The following ADAMTS3 variants were observed in gnomAD, a reference collection of about 807,000 sequenced individuals.
The protein encoded by ADAMTS3 is A disintegrin and metalloproteinase with thrombospondin motifs 3.
A neutral mutation model predicts 129.0 loss-of-function variants in ADAMTS3; 73 were observed. The ratio of observed to expected loss-of-function variants is 0.57; its 90% CI spans 0.47 to 0.69. The LOEUF is 0.69. Among genes scored for constraint, ADAMTS3 ranks in the 30% least tolerant of loss-of-function variants. ADAMTS3 has a pLI of 0.00. For missense variants in ADAMTS3, 1,457 were observed against 1,514.5 expected (o/e 0.96, Z 0.63); for synonymous variants, 477 against 510.8 (o/e 0.93, Z 0.89).
intron 5 of ADAMTS3, among the ~76,000 whole-genome samples, chr4:72,324,714 A>C (rs888540437): frequency 2.0e-4 from 30 of 152,184 alleles, no homozygotes. Flanking sequence ...TAGCTCATGC[A>C]CAAGTTGTCC....
At chr4:72,286,500 T>TA (rs1431109855) in intron 21 of ADAMTS3, among the ~76,000 whole-genome samples, 2 of 152,224 alleles carry the variant, frequency 1.3e-5, no homozygotes, top group Non-Finnish European at 2.9e-5. Flanking sequence ...GTTGAAGACT[T>TA]AAAGCCTGAA....
chr4:72,475,838 G>A (rs746502809), intron 3 of ADAMTS3, among the ~76,000 whole-genome samples: 23 of 151,872 alleles, frequency 1.5e-4, no homozygotes, highest in Non-Finnish European at 3.1e-4. Flanking sequence ...AAAATAACAG[G>A]AATGTCCCCA....
At chr4:72,373,920 TAATAATAATAATAATAATAATAA>T (rs1426414625) in intron 4 of ADAMTS3, among the ~76,000 whole-genome samples, 3 of 98,926 alleles carry the variant, frequency 3.0e-5, no homozygotes, top group Admixed American at 2.2e-4. Flanking sequence ...ATAATAATAA[TAATAATAATAATAATAATAATAA>T]TAATAATAGG....
rs1327333156 is a variant in ADAMTS3, at chr4:72,282,613, A to G, written c.*523T>C. The G allele has an allele frequency of 6.5e-6, 1 of 152,810 alleles. No homozygotes were observed. Among genetic ancestry groups the G allele is most frequent in the Admixed American group, 6.5e-5 (1 of 15,302 alleles). 9.5% of individuals were successfully genotyped at this position (152,810 alleles called of 1,614,324 possible). On this transcript the variant is annotated 3_prime_UTR_variant, in exon 22 of 22. Transcript: ENST00000286657. ...ATGTAATATAGTAAACAATCATTTG[A>G]GAACACATCTCTTAAAATAATACTG...
chr4:72,423,276 T>C lies in ADAMTS3; in HGVS notation c.505-8305A>G, dbSNP rs143696808. On this transcript the variant is annotated intron_variant, in intron 3 of 21. Coordinates refer to ENST00000286657, the MANE Select transcript of ADAMTS3 (RefSeq NM_014243.3). ...TACTAGTTCATAGCACAGAAATGCATAGTAAGTTTTAAATGTCTGGAAAAG... is the reference window on the plus strand; with the variant it reads ...TACTAGTTCATAGCACAGAAATGCACAGTAAGTTTTAAATGTCTGGAAAAG... Among the ~76,000 whole-genome samples the C allele has an allele frequency of 3.3e-3, 507 of 152,274 alleles. 1 individual carries two copies. The highest frequency in any genetic ancestry group is 0.014 in the Middle Eastern group (4 of 294).
At chr4:72,559,712 T>G (rs1721854167) in intron 2 of ADAMTS3, among the ~76,000 whole-genome samples, 1 of 151,914 alleles carries the variant, frequency 6.6e-6, no homozygotes, top group South Asian at 2.1e-4. Flanking sequence ...GTTTACAGCG[T>G]AGCAGCATTT....
chr4:72,297,665 G>C (rs1298484807), intron 18 of ADAMTS3, among the ~76,000 whole-genome samples: 1 of 152,102 alleles, frequency 6.6e-6, no homozygotes, highest in Non-Finnish European at 1.5e-5. Flanking sequence ...CAGTGAGTGA[G>C]AGCATGTGTT....
At chr4:72,554,495 T>C (rs1518474) in intron 2 of ADAMTS3, among the ~76,000 whole-genome samples, 140,613 of 152,060 alleles carry the variant, frequency 0.92, 66,094 homozygotes, top group East Asian at 1. Flanking sequence ...CCTTAATATA[T>C]CTAAACCAAA....
chr4:72,301,579 T>A lies in ADAMTS3; in HGVS notation c.2424+2338A>T, dbSNP rs187448913. Among the ~76,000 whole-genome samples the A allele has an allele frequency of 3.3e-3, 499 of 152,228 alleles. 1 individual carries two copies. The highest frequency in any genetic ancestry group is 0.012 in the African/African-American group (490 of 41,560). Reference sequence around the variant, plus strand: ...TTATAGGAAATCCAATAAATAAAAATTCTGTATAAAACAGAAACTAACAAT... The same window carrying A: ...TTATAGGAAATCCAATAAATAAAAAATCTGTATAAAACAGAAACTAACAAT... On this transcript the variant is annotated intron_variant, in intron 17 of 21. Transcript: ENST00000286657.
At chr4:72,448,173 T>C (rs1488948384) in intron 3 of ADAMTS3, among the ~76,000 whole-genome samples, 3 of 151,676 alleles carry the variant, frequency 2.0e-5, no homozygotes, top group African/African-American at 7.2e-5. Flanking sequence ...CCATAAGACA[T>C]TTTATTTTTA....
At chr4:72,382,853 T>C (rs183907637) in intron 4 of ADAMTS3, among the ~76,000 whole-genome samples, 114 of 152,068 alleles carry the variant, frequency 7.5e-4, no homozygotes, top group Admixed American at 4.5e-3. Flanking sequence ...CTGGAAACAA[T>C]AGACTCTGGA....
At chr4:72,410,746 A>G (rs1722166558) in intron 4 of ADAMTS3, among the ~76,000 whole-genome samples, 2 of 152,132 alleles carry the variant, frequency 1.3e-5, no homozygotes, top group African/African-American at 4.8e-5. Flanking sequence ...TTTAATTTTT[A>G]TTAAGTATAT....
intron 3 of ADAMTS3, among the ~76,000 whole-genome samples, chr4:72,506,145 G>A (rs1264600472): frequency 1.3e-5 from 2 of 152,190 alleles, no homozygotes; most frequent in African/African-American, 4.8e-5. Flanking sequence ...CTTATGTATA[G>A]AGCAAAGAGG....
In ADAMTS3 at chr4:72,532,409, A is replaced by G. The variant is rs142106265; in HGVS notation, c.504+16069T>C. Among the ~76,000 whole-genome samples the G allele has an allele frequency of 4.9e-3, 739 of 152,140 alleles. 6 individuals are homozygous for G. The highest frequency in any genetic ancestry group is 7.9e-3 in the Non-Finnish European group (535 of 67,992). On this transcript the variant is annotated intron_variant, in intron 3 of 21. Transcript: ENST00000286657. Reference sequence around the variant, plus strand: ...GGAAATCATCAATAGAGCTGGCACAACACTCCTATCTTGAAGAAACTTGGT... The same window carrying G: ...GGAAATCATCAATAGAGCTGGCACAGCACTCCTATCTTGAAGAAACTTGGT...
chr4:72,489,002 A>T (rs896008705), intron 3 of ADAMTS3, among the ~76,000 whole-genome samples: 1 of 151,920 alleles, frequency 6.6e-6, no homozygotes, highest in Admixed American at 6.6e-5. Flanking sequence ...ACTTTTTTAT[A>T]TTCCACATAT....
chr4:72,369,651 C>A (rs1194303243), intron 4 of ADAMTS3, among the ~76,000 whole-genome samples: 4 of 150,088 alleles, frequency 2.7e-5, no homozygotes, highest in African/African-American at 9.9e-5. Context: ...GCGGAGGTTG[C>A]AGTTAGCCAA....
At chr4:72,415,769 T>C (rs1055616045) in intron 3 of ADAMTS3, among the ~76,000 whole-genome samples, 8 of 152,044 alleles carry the variant, frequency 5.3e-5, no homozygotes, top group African/African-American at 1.9e-4. Context: ...AAAAATGATG[T>C]TTTTTTCTAA....
At chr4:72,319,615 G>C in intron 8 of ADAMTS3, 140 bp from the exon 9 acceptor site, 1 of 1,050,984 alleles carries the variant, frequency 9.5e-7, no homozygotes, top group South Asian at 1.7e-5. Flanking sequence ...AACGGAAATT[G>C]ACAGCAATCT....
At chr4:72,529,447 T>C (rs34606760) in intron 3 of ADAMTS3, among the ~76,000 whole-genome samples, 46,139 of 150,988 alleles carry the variant, frequency 0.31, 7,218 homozygotes, top group Middle Eastern at 0.34. Context: ...AGTGGCCTCT[T>C]GAAGAGAACA....
Sources: allele counts gnomAD v4.1 joint callset (sites outside exome capture counted in the v4.1 genomes callset), GRCh38; gene constraint gnomAD v4.1.1; transcripts MANE v1.5; gene names NCBI Gene and HGNC (gene_info 2026-07-23, HGNC 2026-07-21).